Variants in DHRSX observed in about 807,000 individuals in gnomAD.
The protein encoded by DHRSX is polyprenol dehydrogenase.
A neutral mutation model predicts 34.0 loss-of-function variants in DHRSX; 31 were observed. The ratio of observed to expected loss-of-function variants is 0.91; its 90% CI spans 0.69 to 1.23. The LOEUF is 1.23. Among genes scored for constraint, DHRSX ranks in the 50% most tolerant of loss-of-function variants. The probability of loss-of-function intolerance (pLI) is 0.00; values close to 1 mark genes in which losing one functional copy is unlikely to be tolerated. For synonymous variants in DHRSX, 201 were observed against 183.8 expected (o/e 1.09, Z -0.76); for missense variants, 414 against 428.1 (o/e 0.97, Z 0.29).
At chrX:2,260,161 C>T (rs2041343920) in intron 5 of DHRSX, among the ~76,000 whole-genome samples, 1 of 151,766 alleles carries the variant, frequency 6.6e-6, no homozygotes, top group African/African-American at 2.4e-5. Flanking sequence ...TGTGTCTCCT[C>T]TTCTGTCTCT....
intron 5 of DHRSX, among the ~76,000 whole-genome samples, chrX:2,245,628 T>C (rs2016259545): frequency 1.3e-5 from 2 of 149,646 alleles, no homozygotes; most frequent in Non-Finnish European, 3.0e-5. Flanking sequence ...CTCTTACATA[T>C]ATTGATTGAT....
chrX:2,458,625 C>A (rs555020544), intron 1 of DHRSX, among the ~76,000 whole-genome samples: 19 of 152,096 alleles, frequency 1.2e-4, no homozygotes, highest in African/African-American at 4.1e-4. Flanking sequence ...TCTAAAAAAG[C>A]TGAACGCATA....
At chrX:2,480,675 C>T (rs2044755360) in intron 1 of DHRSX, among the ~76,000 whole-genome samples, 1 of 151,760 alleles carries the variant, frequency 6.6e-6, no homozygotes. Flanking sequence ...AAAAATTAAC[C>T]AGGTGTGGTG....
At chrX:2,272,212 T>A (rs1453467973) in intron 4 of DHRSX, among the ~76,000 whole-genome samples, 1 of 152,162 alleles carries the variant, frequency 6.6e-6, no homozygotes, top group East Asian at 1.9e-4. Context: ...TGCATTTTGA[T>A]GAACTATAAA....
rs988003219 is a variant in DHRSX, at chrX:2,483,416, C to T, written c.109+17401G>A. ...GTAGCTGGGACTGACTACAGACATG[C>T]GCCTCCATGCCTGGCTAATTTTTTG... On this transcript the variant is annotated intron_variant, in intron 1 of 6. Coordinates refer to ENST00000334651, the MANE Select transcript of DHRSX (RefSeq NM_145177.3). Among the ~76,000 whole-genome samples the T allele has an allele frequency of 5.9e-5, 9 of 152,142 alleles. No homozygotes were observed. The South Asian group carries it at 1.2e-3, about 21-fold the overall frequency.
At chrX:2,410,484 C>A (rs1326712387) in intron 2 of DHRSX, among the ~76,000 whole-genome samples, 1 of 152,154 alleles carries the variant, frequency 6.6e-6, no homozygotes, top group African/African-American at 2.4e-5. Context: ...AGTACAGCAC[C>A]GTCCCCGGGT....
intron 3 of DHRSX, among the ~76,000 whole-genome samples, chrX:2,344,629 C>G (rs1299289844): frequency 2.6e-5 from 4 of 151,958 alleles, no homozygotes; most frequent in African/African-American, 9.7e-5. Context: ...AAAGCAAACA[C>G]CACATGTTCT....
At chrX:2,282,854 GGAGAAGGGGAGA>G (rs1269525137) in intron 4 of DHRSX, among the ~76,000 whole-genome samples, 1 of 127,454 alleles carries the variant, frequency 7.8e-6, no homozygotes, top group East Asian at 2.5e-4. Flanking sequence ...GAGAGAGAAG[GGAGAAGGGGAGA>G]GAGAGGGGGA....
At chrX:2,406,571 G>C (rs1282407406) in intron 3 of DHRSX, among the ~76,000 whole-genome samples, 2 of 151,796 alleles carry the variant, frequency 1.3e-5, no homozygotes, top group Non-Finnish European at 2.9e-5. Context: ...CTCCTGAGTA[G>C]CTGGGGTTAC....
intron 5 of DHRSX, among the ~76,000 whole-genome samples, chrX:2,256,166 T>TG (rs2041275394): frequency 6.7e-6 from 1 of 149,876 alleles, no homozygotes; most frequent in Admixed American, 6.7e-5. Context: ...GGCTAATTTT[T>TG]TATATTTTAG....
intron 3 of DHRSX, chrX:2,334,355 G>C (rs1052630941): frequency 7.2e-5 from 11 of 151,880 alleles, no homozygotes; most frequent in African/African-American, 2.7e-4. Flanking sequence ...AGTAGAGACG[G>C]AGTTTCACCA....
intron 3 of DHRSX, among the ~76,000 whole-genome samples, chrX:2,360,126 G>A (rs2042910070): frequency 6.6e-6 from 1 of 152,048 alleles, no homozygotes; most frequent in Non-Finnish European, 1.5e-5. Context: ...CAGAAGGTTG[G>A]GGTGATGAGG....
intron 4 of DHRSX, among the ~76,000 whole-genome samples, chrX:2,271,786 C>CTGATT (rs2041558761): frequency 6.6e-6 from 1 of 152,044 alleles, no homozygotes; most frequent in Non-Finnish European, 1.5e-5. Flanking sequence ...TGCCTGTAAT[C>CTGATT]CTCCCAGCAC....
chrX:2,485,661 GGGGAA>G (rs2044879396), intron 1 of DHRSX, among the ~76,000 whole-genome samples: 3 of 74,874 alleles, frequency 4.0e-5, no homozygotes, highest in South Asian at 1.1e-3. Context: ...GGGAGGGATG[GGGGAA>G]GGAGGGAGGG....
chrX:2,258,246 G>A (rs763735504), intron 5 of DHRSX, among the ~76,000 whole-genome samples: 1 of 152,022 alleles, frequency 6.6e-6, no homozygotes, highest in East Asian at 1.9e-4. Flanking sequence ...CATTGCATAA[G>A]AAGAGGAGAT....
chrX:2,349,828 T>TAAG, intron 3 of DHRSX, among the ~76,000 whole-genome samples: 1 of 127,690 alleles, frequency 7.8e-6, no homozygotes, highest in African/African-American at 3.1e-5. Context: ...GATCACGAGG[T>TAAG]CAGATCGAGA....
chrX:2,406,729 C>A (rs1437959288), intron 3 of DHRSX, among the ~76,000 whole-genome samples: 1 of 152,172 alleles, frequency 6.6e-6, no homozygotes, highest in Non-Finnish European at 1.5e-5. Flanking sequence ...GTGCCAGCCA[C>A]CACGCTGGCC....
chrX:2,314,675 TA>T (rs1310064143), intron 3 of DHRSX, among the ~76,000 whole-genome samples: 1 of 152,010 alleles, frequency 6.6e-6, no homozygotes, highest in Non-Finnish European at 1.5e-5. Flanking sequence ...TAAGTTACGA[TA>T]TATAGGGTTA....
At chrX:2,490,226 C>T (rs767431020) in intron 1 of DHRSX, 58 of 1,613,948 alleles carry the variant, frequency 3.6e-5, no homozygotes, top group Non-Finnish European at 4.4e-5. Context: ...GATGTACTTC[C>T]GGCTGGGCAG....
Sources: gnomAD v4.1 joint callset for allele counts (sites outside exome capture counted in the v4.1 genomes callset) on GRCh38, gnomAD v4.1.1 for gene constraint, MANE v1.5 for transcripts, NCBI Gene and HGNC (gene_info 2026-07-23, HGNC 2026-07-21) for gene names.